The following LAMA2 variants were observed in gnomAD, a reference collection of about 807,000 sequenced individuals.
The protein encoded by LAMA2 is laminin subunit alpha 2, also known as laminin subunit alpha-2.
In LAMA2, 269 loss-of-function variants were observed where a neutral mutation model predicts 364.8. That is an observed-to-expected ratio of 0.74 (90% CI 0.67 to 0.82). The LOEUF is 0.82. Among genes scored for constraint, LAMA2 ranks in the 40% least tolerant of loss-of-function variants. LAMA2 has a pLI of 0.00. For synonymous variants in LAMA2, 1,379 were observed against 1,370.6 expected, an observed-to-expected ratio of 1.01 and a Z score of -0.14; for missense variants, 3,807 against 3,873.2, an observed-to-expected ratio of 0.98 and a Z score of 0.45.
At chr6:129,103,476 C>T (rs890585620) in intron 4 of LAMA2, among the ~76,000 whole-genome samples, 1 of 152,146 alleles carries the variant, frequency 6.6e-6, no homozygotes, top group African/African-American at 2.4e-5. Context: ...ATTCAGGTTT[C>T]ATTCATTTTA....
chr6:129,183,035 AT>A (rs1203457500), intron 10 of LAMA2, among the ~76,000 whole-genome samples: 7 of 152,016 alleles, frequency 4.6e-5, no homozygotes, highest in African/African-American at 1.7e-4. Flanking sequence ...CTCTTCAACA[AT>A]GATGTTAATG....
intron 58 of LAMA2, among the ~76,000 whole-genome samples, chr6:129,499,037 C>T (rs1042251779): frequency 3.3e-5 from 5 of 152,188 alleles, no homozygotes; most frequent in Non-Finnish European, 5.9e-5. Flanking sequence ...TTCCCAACCA[C>T]ATCACTGCTC....
chr6:129,240,511 T>G (rs1785326365), intron 12 of LAMA2, among the ~76,000 whole-genome samples: 1 of 152,158 alleles, frequency 6.6e-6, no homozygotes, highest in South Asian at 2.1e-4. Context: ...TTTTAAATAC[T>G]CCCATTACCT....
At position 129,473,283 on chromosome 6, in the gene LAMA2, A is replaced by C; in HGVS notation, c.7370A>C (p.Asn2457Thr). 1 of 1,612,036 alleles carries C rather than the reference A, an allele frequency of 6.2e-7. No homozygotes were observed. Among genetic ancestry groups the C allele is most frequent in the Non-Finnish European group, 8.5e-7 (1 of 1,178,510 alleles). ...ENIATSSSGN[N>T]FGLDLKADDK... ...ATAGCAACTTCGTCTTCTGGAAACAACTTTGGTCTTGACTTGAAAGCAGAT... is the reference window on the plus strand; with the variant it reads ...ATAGCAACTTCGTCTTCTGGAAACACCTTTGGTCTTGACTTGAAAGCAGAT... The change falls in exon 52 of 65, where the codon AAC (asparagine) becomes ACC (threonine). Residue 2457 changes from asparagine to threonine, a missense_variant. By Grantham distance (65) the Asn-to-Thr change is moderately conservative. Transcript: ENST00000421865.
intron 12 of LAMA2, among the ~76,000 whole-genome samples, chr6:129,247,203 A>G (rs567663664): frequency 1.0e-3 from 159 of 152,262 alleles, no homozygotes; most frequent in Non-Finnish European, 2.0e-3. Flanking sequence ...TAATCCCAGC[A>G]CTTTGGGAGA....
chr6:129,383,388 T>A (rs1470277292), intron 35 of LAMA2, among the ~76,000 whole-genome samples, 155 bp downstream of exon 35: 1 of 152,224 alleles, frequency 6.6e-6, no homozygotes, highest in African/African-American at 2.4e-5. Context: ...TTCAAGGGTA[T>A]TATCTGCTGA....
Position 129,478,832 on chromosome 6 carries a change from G to C in LAMA2, c.7572+19G>C. 1 of 1,606,294 alleles carries C rather than the reference G, an allele frequency of 6.2e-7. No homozygotes were observed. The highest frequency in any genetic ancestry group is 8.5e-7 in the Non-Finnish European group (1 of 1,172,992). On this transcript the variant is annotated intron_variant, in intron 54 of 64. Coordinates refer to ENST00000421865, the MANE Select transcript of LAMA2 (RefSeq NM_000426.4). Reference sequence around the variant, plus strand: ...CCTGGAGGTTGGTCTGTTTTTGATAGTTCTCTAAACACATTTATATCAGAT... The same window carrying C: ...CCTGGAGGTTGGTCTGTTTTTGATACTTCTCTAAACACATTTATATCAGAT...
intron 17 of LAMA2, among the ~76,000 whole-genome samples, chr6:129,275,970 G>C (rs550974336): frequency 7.9e-5 from 12 of 152,074 alleles, no homozygotes; most frequent in Admixed American, 7.2e-4. Flanking sequence ...AGTACTTAAA[G>C]GTAATTAAAG....
chr6:129,287,709 T>A (rs1789375988), intron 18 of LAMA2, 138 bp from the exon 19 acceptor site: 1 of 778,784 alleles, frequency 1.3e-6, no homozygotes, highest in Non-Finnish European at 2.3e-6. Context: ...AACATTTTTT[T>A]AATCACGTTG....
intron 22 of LAMA2, among the ~76,000 whole-genome samples, chr6:129,309,901 C>CCTTTTTTTTTTTT (rs1562443403): frequency 7.5e-6 from 1 of 133,682 alleles, no homozygotes; most frequent in African/African-American, 3.0e-5. Context: ...TCCTGATAAT[C>CCTTTTTTTTTTTT]ATTTTTTTTT....
chr6:129,491,874 A>G (rs746570219), intron 56 of LAMA2, 27 bp from the exon 57 acceptor site: 7 of 1,527,412 alleles, frequency 4.6e-6, no homozygotes, highest in South Asian at 1.1e-5. Flanking sequence ...TGTGACTTAT[A>G]CTTGTTTATT....
chr6:129,465,423 T>A (rs1040769270), intron 51 of LAMA2, 134 bp downstream of exon 51: 3 of 772,576 alleles, frequency 3.9e-6, no homozygotes, highest in Non-Finnish European at 6.6e-6. Flanking sequence ...ATACAGTCAT[T>A]TTTTTGGCTT....
chr6:128,917,774 C>G (rs1778435321), intron 1 of LAMA2, among the ~76,000 whole-genome samples: 2 of 129,856 alleles, frequency 1.5e-5, no homozygotes, highest in Admixed American at 9.3e-5. Context: ...TACTCCGTTG[C>G]CCAGGCTGAA....
chr6:129,399,917 G>C (rs1392075493), intron 37 of LAMA2, among the ~76,000 whole-genome samples: 4 of 152,272 alleles, frequency 2.6e-5, no homozygotes, highest in African/African-American at 9.6e-5. Flanking sequence ...GTAGACAGGG[G>C]TTTAAATCTT....
At chr6:129,129,879 C>G (rs1239383560) in intron 4 of LAMA2, among the ~76,000 whole-genome samples, 1 of 147,760 alleles carries the variant, frequency 6.8e-6, no homozygotes, top group Non-Finnish European at 1.5e-5. Context: ...AGCCGAGATC[C>G]CGCCACTGCA....
At chr6:129,258,697 T>A (rs1234283107) in intron 14 of LAMA2, among the ~76,000 whole-genome samples, 2 of 152,080 alleles carry the variant, frequency 1.3e-5, no homozygotes, top group Non-Finnish European at 2.9e-5. Context: ...AATGTCAAAG[T>A]TCCTCTCTAT....
chr6:129,438,662 A>G lies in LAMA2; in HGVS notation c.5985A>G (p.Leu1995=). ...ANDVKENEDH[L]NGLKTRIENA... ...TATTCGCAGAAAATGAAGACCATCT[A>G]AATGGCTTAAAAACCAGGATAGAAA... Residue 1995 remains leucine, a synonymous_variant, in exon 42 of 65, where the codon CTA becomes CTG. Coordinates refer to ENST00000421865, the MANE Select transcript of LAMA2 (RefSeq NM_000426.4). The G allele has an allele frequency of 2.5e-6, 4 of 1,592,502 alleles. No individual in the cohort carries two copies. Among genetic ancestry groups the G allele is most frequent in the Non-Finnish European group, 3.4e-6 (4 of 1,160,754 alleles).
Position 129,252,147 on chromosome 6 carries a change from A to G in LAMA2, c.1948A>G (p.Thr650Ala). The part of the protein sequence containing the change: ...EVYLHPSEEH[T>A]NVLLLKEESF... ...GTACCTGCACCCATCTGAAGAACATACTAATGTATTGTTACTTAAAGAAGA... is the reference window on the plus strand; with the variant it reads ...GTACCTGCACCCATCTGAAGAACATGCTAATGTATTGTTACTTAAAGAAGA... The change falls in exon 14 of 65, where the codon ACT (threonine) becomes GCT (alanine). Residue 650 changes from threonine to alanine, a missense_variant. Thr to Ala is a moderately conservative substitution (Grantham distance 58). Coordinates refer to ENST00000421865, the MANE Select transcript of LAMA2 (RefSeq NM_000426.4). 1 of 1,613,140 alleles carries G rather than the reference A, an allele frequency of 6.2e-7. No homozygotes were observed. Among genetic ancestry groups the G allele is most frequent in the Non-Finnish European group, 8.5e-7 (1 of 1,179,204 alleles).
chr6:129,295,549 A>G (rs2114444773), intron 20 of LAMA2, among the ~76,000 whole-genome samples: 1 of 152,284 alleles, frequency 6.6e-6, no homozygotes, highest in African/African-American at 2.4e-5. Context: ...ATTTGGTAGT[A>G]TTTATTTTGC....
Sources: gnomAD v4.1 joint callset for allele counts (sites outside exome capture counted in the v4.1 genomes callset) on GRCh38, gnomAD v4.1.1 for gene constraint, MANE v1.5 for transcripts, NCBI Gene and HGNC (gene_info 2026-07-23, HGNC 2026-07-21) for gene names.